Variants in EYS observed in about 807,000 individuals in gnomAD.
The protein encoded by EYS is EGF-like photoreceptor maintenance factor.
EYS carries 250 observed loss-of-function variants against 282.1 expected under a neutral mutation model. That is an observed-to-expected ratio of 0.89 (90% CI 0.80 to 0.98). The LOEUF (loss-of-function observed/expected upper bound fraction) is 0.98, where lower values mean the gene tolerates loss of function less well. Ranked by LOEUF, EYS falls within the 50% of genes least tolerant of loss-of-function variation. EYS has a pLI of 0.00. For missense variants in EYS, 4,016 were observed against 3,709.0 expected (o/e 1.08, Z -2.15); for synonymous variants, 1,355 against 1,282.9 (o/e 1.06, Z -1.20).
chr6:64,467,077 A>G (rs1775942945), intron 26 of EYS, among the ~76,000 whole-genome samples: 1 of 152,206 alleles, frequency 6.6e-6, no homozygotes, highest in Admixed American at 6.5e-5. Context: ...TAATCCAGTC[A>G]AATAAATGTG....
intron 26 of EYS, among the ~76,000 whole-genome samples, chr6:64,564,796 G>A (rs893233504): frequency 6.6e-6 from 1 of 151,864 alleles, no homozygotes; most frequent in Admixed American, 6.6e-5. Context: ...GGTTGGGGTG[G>A]GGGTCGGGGG....
intron 41 of EYS, among the ~76,000 whole-genome samples, chr6:63,729,869 C>G (rs1056408071): frequency 6.6e-6 from 1 of 152,112 alleles, no homozygotes; most frequent in Non-Finnish European, 1.5e-5. Flanking sequence ...AATTCCATGA[C>G]TTTAAGAAAT....
chr6:63,981,384 A>G lies in EYS; in HGVS notation c.7055+2999T>C, dbSNP rs1188867266. 2.0e-5 allele frequency among the ~76,000 whole-genome samples: 3 copies of G among 151,874 alleles called. No individual in the cohort carries two copies. In the East Asian group the frequency reaches 5.8e-4, roughly 30 times the overall value. The stretch of plus-strand genomic sequence containing the variant: ...GGATCCTTTCAAGAATTAAAAAAAA[A>G]TTGTTGTTCTGGAACTGGCCAACTC... On this transcript the variant is annotated intron_variant, in intron 35 of 42. Coordinates refer to ENST00000503581, the MANE Select transcript of EYS (RefSeq NM_001142800.2).
chr6:63,747,300 TG>T (rs1769233390), intron 41 of EYS, among the ~76,000 whole-genome samples: 1 of 152,256 alleles, frequency 6.6e-6, no homozygotes. Context: ...GATTGCACTG[TG>T]GTCTGAGAGA....
chr6:64,251,122 G>T (rs1200465600), intron 30 of EYS, among the ~76,000 whole-genome samples: 10 of 152,100 alleles, frequency 6.6e-5, no homozygotes, highest in South Asian at 6.2e-4. Flanking sequence ...TCTGTGAAAA[G>T]CTGGGTAATT....
intron 22 of EYS, among the ~76,000 whole-genome samples, chr6:64,748,301 C>A (rs912655309): frequency 3.9e-5 from 6 of 152,190 alleles, no homozygotes; most frequent in Middle Eastern, 3.2e-3. Flanking sequence ...GAGCAGCGCT[C>A]CCCAACATTT....
chr6:64,530,685 A>T (rs1033904221), intron 26 of EYS, among the ~76,000 whole-genome samples: 1 of 152,146 alleles, frequency 6.6e-6, no homozygotes, highest in Admixed American at 6.6e-5. Context: ...GTGACAAGCT[A>T]CTAGGGATAT....
intron 34 of EYS, among the ~76,000 whole-genome samples, chr6:63,988,251 C>T (rs1458585061): frequency 1.3e-5 from 2 of 151,648 alleles, no homozygotes; most frequent in African/African-American, 4.8e-5. Flanking sequence ...GGATCTCTGA[C>T]ATCTTTGTAT....
chr6:64,529,872 A>T (rs1764272377), intron 26 of EYS, among the ~76,000 whole-genome samples: 1 of 152,122 alleles, frequency 6.6e-6, no homozygotes, highest in Admixed American at 6.5e-5. Context: ...TGGAGAAATA[A>T]ATTCCAGCAG....
intron 35 of EYS, among the ~76,000 whole-genome samples, chr6:63,956,006 C>T (rs1223818149): frequency 1.3e-5 from 2 of 152,230 alleles, no homozygotes; most frequent in African/African-American, 2.4e-5. Flanking sequence ...AGCTTAATCT[C>T]TCCCACTCTA....
chr6:64,425,716 G>GA (rs1269669682), intron 28 of EYS, among the ~76,000 whole-genome samples: 1 of 148,568 alleles, frequency 6.7e-6, no homozygotes, highest in East Asian at 2.0e-4. Context: ...AGGTGACAGA[G>GA]AAAAAATAAG....
intron 36 of EYS, among the ~76,000 whole-genome samples, chr6:63,832,231 G>A (rs575041918): frequency 2.6e-5 from 4 of 152,226 alleles, no homozygotes; most frequent in Admixed American, 2.6e-4. Flanking sequence ...CAGAACTGAA[G>A]GAGATAGAGA....
intron 12 of EYS, among the ~76,000 whole-genome samples, chr6:65,201,566 T>C (rs1268411052): frequency 6.6e-6 from 1 of 152,198 alleles, no homozygotes; most frequent in Non-Finnish European, 1.5e-5. Flanking sequence ...CTTATGCTAA[T>C]GTATAACTAA....
intron 16 of EYS, among the ~76,000 whole-genome samples, chr6:64,912,183 G>A (rs1463165006): frequency 1.3e-5 from 2 of 151,728 alleles, no homozygotes; most frequent in Non-Finnish European, 2.9e-5. Context: ...GAACAGGATT[G>A]TTCAGAAAAG....
intron 12 of EYS, among the ~76,000 whole-genome samples, chr6:65,287,212 G>C (rs1228867075): frequency 6.6e-6 from 1 of 151,436 alleles, no homozygotes; most frequent in Non-Finnish European, 1.5e-5. Flanking sequence ...CTTTGGTACA[G>C]AATGAATGGT....
At chr6:64,273,617 T>G (rs1768012661) in intron 30 of EYS, among the ~76,000 whole-genome samples, 3 of 152,168 alleles carry the variant, frequency 2.0e-5, no homozygotes, top group African/African-American at 7.2e-5. Flanking sequence ...CTTCCTCTTG[T>G]TCATGGGCAC....
intron 33 of EYS, among the ~76,000 whole-genome samples, chr6:64,052,451 A>G (rs776690080): frequency 2.0e-5 from 3 of 152,178 alleles, no homozygotes; most frequent in Non-Finnish European, 2.9e-5. Context: ...ACCTCCTTGT[A>G]TTAGATAGAA....
intron 22 of EYS, among the ~76,000 whole-genome samples, chr6:64,636,033 C>T (rs1330420190): frequency 6.6e-6 from 1 of 152,130 alleles, no homozygotes; most frequent in Non-Finnish European, 1.5e-5. Flanking sequence ...GATTCAACTT[C>T]AATCCCATCC....
intron 21 of EYS, among the ~76,000 whole-genome samples, chr6:64,817,916 A>G (rs1435475824): frequency 6.6e-6 from 1 of 151,820 alleles, no homozygotes; most frequent in Non-Finnish European, 1.5e-5. Flanking sequence ...TTTCCTTTTT[A>G]TTTAGAGAAC....
Sources: allele counts gnomAD v4.1 joint callset (sites outside exome capture counted in the v4.1 genomes callset), GRCh38; gene constraint gnomAD v4.1.1; transcripts MANE v1.5; gene names NCBI Gene and HGNC (gene_info 2026-07-23, HGNC 2026-07-21).